CTNNA3: variants seen among roughly 807,000 people sequenced by gnomAD.
CTNNA3 encodes the protein catenin alpha-3.
CTNNA3 carries 76 observed loss-of-function variants against 95.7 expected under a neutral mutation model. That is an observed-to-expected ratio of 0.79 (90% confidence interval 0.66 to 0.96). The LOEUF is 0.96. Among genes scored for constraint, CTNNA3 ranks in the 40% least tolerant of loss-of-function variants. CTNNA3 has a pLI of 0.00. For synonymous variants in CTNNA3, 431 were observed against 374.4 expected (o/e 1.15, Z -1.74); for missense variants, 1,191 against 1,089.8 (o/e 1.09, Z -1.31).
chr10:66,275,758 A>C (rs1442134976), intron 13 of CTNNA3, among the ~76,000 whole-genome samples: 1 of 152,172 alleles, frequency 6.6e-6, no homozygotes, highest in Non-Finnish European at 1.5e-5. Flanking sequence ...TTGAGTATGA[A>C]ACTTCAAATA....
At chr10:66,209,773 A>G (rs1589738134) in intron 13 of CTNNA3, among the ~76,000 whole-genome samples, 1 of 152,304 alleles carries the variant, frequency 6.6e-6, no homozygotes, top group African/African-American at 2.4e-5. Context: ...AGGACAGTAA[A>G]CCATGTGTCC....
chr10:67,440,240 A>C (rs2132928797), intron 5 of CTNNA3, among the ~76,000 whole-genome samples: 1 of 152,334 alleles, frequency 6.6e-6, no homozygotes, highest in South Asian at 2.1e-4. Flanking sequence ...GGCGATGGAA[A>C]GAGACAGCTC....
chr10:67,339,184 T>C (rs1842094053), intron 5 of CTNNA3, among the ~76,000 whole-genome samples: 1 of 152,186 alleles, frequency 6.6e-6, no homozygotes, highest in African/African-American at 2.4e-5. Flanking sequence ...TTCTTCAGGA[T>C]AAATTCTATC....
intron 1 of CTNNA3, among the ~76,000 whole-genome samples, chr10:67,654,533 G>A (rs1229963328): frequency 6.7e-6 from 1 of 149,492 alleles, no homozygotes; most frequent in Non-Finnish European, 1.5e-5. Context: ...TGCCCAAGCT[G>A]GAGTGCCAGT....
At chr10:67,381,493 C>T (rs866727857) in intron 5 of CTNNA3, among the ~76,000 whole-genome samples, 1 of 152,114 alleles carries the variant, frequency 6.6e-6, no homozygotes, top group African/African-American at 2.4e-5. Context: ...ATGTGTTTCC[C>T]TTCCTTCGTG....
chr10:66,518,676 A>C (rs1840948986), intron 11 of CTNNA3, among the ~76,000 whole-genome samples: 1 of 152,148 alleles, frequency 6.6e-6, no homozygotes, highest in Non-Finnish European at 1.5e-5. Flanking sequence ...ATGTGTAAAA[A>C]GGCAAGTAAC....
intron 10 of CTNNA3, among the ~76,000 whole-genome samples, chr10:66,574,257 CAA>C (rs1364997509): frequency 6.6e-6 from 1 of 151,868 alleles, no homozygotes; most frequent in Non-Finnish European, 1.5e-5. Context: ...AAAGGAAAAA[CAA>C]TGACAATAAA....
At chr10:67,158,378 T>C (rs565299107) in intron 7 of CTNNA3, among the ~76,000 whole-genome samples, 2 of 152,154 alleles carry the variant, frequency 1.3e-5, no homozygotes, top group African/African-American at 2.4e-5. Context: ...GCAAGCTGTT[T>C]TAGAAATCAT....
chr10:66,489,540 C>A (rs1384373985), intron 11 of CTNNA3, among the ~76,000 whole-genome samples: 4 of 152,128 alleles, frequency 2.6e-5, no homozygotes, highest in Admixed American at 6.5e-5. Flanking sequence ...TACTCCCCAA[C>A]GTTATGTACA....
intron 11 of CTNNA3, among the ~76,000 whole-genome samples, chr10:66,459,044 C>T (rs1189829977): frequency 6.6e-6 from 1 of 152,094 alleles, no homozygotes; most frequent in Non-Finnish European, 1.5e-5. Context: ...CCTCCCCTTC[C>T]ACTTCCTCAT....
chr10:65,939,629 T>C (rs2077397903), intron 17 of CTNNA3, among the ~76,000 whole-genome samples: 1 of 152,220 alleles, frequency 6.6e-6, no homozygotes, highest in Admixed American at 6.5e-5. Flanking sequence ...TGTAATTTTT[T>C]GAGTCTGTCC....
At chr10:67,133,936 A>G (rs115195375) in intron 7 of CTNNA3, among the ~76,000 whole-genome samples, 1,857 of 152,198 alleles carry the variant, frequency 0.012, 40 homozygotes, top group African/African-American at 0.043. Context: ...CTCTTGCCTC[A>G]ACCTTCTGAG....
At chr10:66,764,771 G>C (rs2132779445) in intron 9 of CTNNA3, among the ~76,000 whole-genome samples, 1 of 152,230 alleles carries the variant, frequency 6.6e-6, no homozygotes, top group East Asian at 1.9e-4. Context: ...GGTGTCTACA[G>C]TTAATAAATC....
intron 1 of CTNNA3, among the ~76,000 whole-genome samples, chr10:67,675,689 G>C (rs1291675603): frequency 1.3e-5 from 2 of 152,134 alleles, no homozygotes; most frequent in Admixed American, 6.6e-5. Flanking sequence ...AATACACTCT[G>C]CCTCTAGCAG....
intron 11 of CTNNA3, among the ~76,000 whole-genome samples, chr10:66,399,183 G>C (rs891931355): frequency 1.3e-5 from 2 of 150,722 alleles, no homozygotes; most frequent in Non-Finnish European, 3.0e-5. Context: ...GTTGACATAA[G>C]CTTTGTTTTC....
At chr10:66,973,873 C>T (rs1332053994) in intron 7 of CTNNA3, among the ~76,000 whole-genome samples, 3 of 152,192 alleles carry the variant, frequency 2.0e-5, no homozygotes, top group Non-Finnish European at 4.4e-5. Context: ...TTATCCCCCT[C>T]GGCCTCCCAA....
In CTNNA3 at chr10:66,526,377, A is replaced by C. The variant is rs374498441; in HGVS notation, c.1375-5604T>G. The stretch of plus-strand genomic sequence containing the variant: ...ATTTTTTGTATTTTTGATAGAGACA[A>C]GGTTTCGTCATGTTGCCCAGGCTGG... On this transcript the variant is annotated intron_variant, in intron 10 of 17. Coordinates refer to ENST00000433211, the MANE Select transcript of CTNNA3 (RefSeq NM_013266.4). Among the ~76,000 whole-genome samples the C allele has an allele frequency of 3.6e-4, 55 of 152,140 alleles. 1 individual carries two copies. The South Asian group carries it at 0.011, about 31-fold the overall frequency.
chr10:66,912,285 A>T (rs905395652), intron 7 of CTNNA3, among the ~76,000 whole-genome samples: 4 of 152,192 alleles, frequency 2.6e-5, no homozygotes, highest in Admixed American at 1.3e-4. Flanking sequence ...TTTTACTATA[A>T]AATAACAAAT....
intron 7 of CTNNA3, among the ~76,000 whole-genome samples, chr10:67,065,868 C>G (rs906657244): frequency 2.0e-5 from 3 of 151,734 alleles, no homozygotes; most frequent in African/African-American, 7.3e-5. Flanking sequence ...TCAGTAGGAC[C>G]TCAACTAAAA....
Sources: gnomAD v4.1 joint callset for allele counts (sites outside exome capture counted in the v4.1 genomes callset) on GRCh38, gnomAD v4.1.1 for gene constraint, MANE v1.5 for transcripts, NCBI Gene and HGNC (gene_info 2026-07-23, HGNC 2026-07-21) for gene names.